TUT7: variants seen among roughly 807,000 people sequenced by gnomAD.
TUT7 encodes terminal uridylyl transferase 7, also known as terminal uridylyltransferase 7.
A neutral mutation model predicts 165.9 loss-of-function variants in TUT7; 33 were observed. The observed-to-expected ratio is 0.20, with a 90% CI of 0.15 to 0.27. The LOEUF is 0.27. Among genes scored for constraint, TUT7 ranks in the 10% least tolerant of loss-of-function variants. TUT7 has a pLI of 1.00. For synonymous variants in TUT7, 552 were observed against 608.1 expected, an observed-to-expected ratio of 0.91 and a Z score of 1.36; for missense variants, 1,338 against 1,762.3, an observed-to-expected ratio of 0.76 and a Z score of 4.31.
In TUT7 at chr9:86,313,150, A is replaced by T. The variant is rs182903378; in HGVS notation, c.3275-2341T>A. On this transcript the variant is annotated intron_variant, in intron 17 of 26. Transcript: ENST00000375963. ...ATAATAAATAAATAAATAAATAAAT[A>T]AATAAATAAATAAATAAAAAGAATT... is the stretch of plus-strand genomic sequence containing the variant. Among the ~76,000 whole-genome samples, 21 of 151,192 alleles carry T rather than the reference A, an allele frequency of 1.4e-4. 1 individual carries two copies. In the East Asian group the frequency reaches 4.1e-3, roughly 29 times the overall value.
intron 5 of TUT7, 56 bp from the exon 6 acceptor site, chr9:86,343,219 T>C: frequency 8.7e-7 from 1 of 1,148,216 alleles, no homozygotes; most frequent in Non-Finnish European, 1.2e-6. Flanking sequence ...TCTCAAAAGT[T>C]ATAACAAAAC....
chr9:86,303,476 C>T (rs1365531533), intron 24 of TUT7, among the ~76,000 whole-genome samples: 3 of 152,142 alleles, frequency 2.0e-5, no homozygotes, highest in South Asian at 2.1e-4. Context: ...TCTAAAGAAG[C>T]GGATGAGTCA....
Position 86,323,931 on chromosome 9 carries a change from T to C in TUT7, c.1819A>G (p.Arg607Gly). The change falls in exon 13 of 27, where the codon AGA becomes GGA. Residue 607 changes from arginine to glycine, a missense_variant. Transcript: ENST00000375963. ...DPYSVKRNVARTLNSQPVFEY... is the reference protein window; with the variant it reads ...DPYSVKRNVAGTLNSQPVFEY... ...AACACAGGTTGACTATTTAGGGTTC[T>C]TGCCACATTTCTTTTAACAGAGTAG... is the stretch of plus-strand genomic sequence containing the variant. 1 of 1,597,360 alleles carries C rather than the reference T, an allele frequency of 6.3e-7. No homozygotes were observed. The highest frequency in any genetic ancestry group is 8.5e-7 in the Non-Finnish European group (1 of 1,170,846).
Position 86,323,178 on chromosome 9 carries a change from C to T in TUT7, c.2572G>A (p.Glu858Lys). ...TGGTTAATGGTGAGCCTAGGTTCTTCTTCCTCCTCCTCTTCTTCGTCGTCC... is the reference window on the plus strand; with the variant it reads ...TGGTTAATGGTGAGCCTAGGTTCTTTTTCCTCCTCCTCTTCTTCGTCGTCC... ...EEDDEEEEEE[E>K]EPRLTINQRE... The change falls in exon 13 of 27, where the codon GAA (glutamate) becomes AAA (lysine). Residue 858 changes from glutamate to lysine, a missense_variant. By Grantham distance (56) the Glu-to-Lys change is moderately conservative. Coordinates refer to ENST00000375963, the MANE Select transcript of TUT7 (RefSeq NM_024617.4). The T allele has an allele frequency of 6.2e-7, 1 of 1,614,162 alleles. No homozygotes were observed. Among genetic ancestry groups the T allele is most frequent in the Non-Finnish European group, 8.5e-7 (1 of 1,180,026 alleles).
In TUT7 at chr9:86,294,112, TTA is replaced by T. The variant is rs968884049; in HGVS notation, c.4421-5370_4421-5369del. On this transcript the variant is annotated intron_variant, in intron 26 of 26. Coordinates refer to ENST00000375963, the MANE Select transcript of TUT7 (RefSeq NM_024617.4). ...TTCCATGTGTACTCTTTCTTAAAAA[TTA>T]TATGTCTGTGAATGCCTTTGTGGTC... 2.0e-5 allele frequency among the ~76,000 whole-genome samples: 3 copies of T among 152,062 alleles called. No homozygotes were observed. The South Asian group carries it at 6.2e-4, about 31-fold the overall frequency.
intron 18 of TUT7, among the ~76,000 whole-genome samples, chr9:86,310,361 TA>T (rs1226851848): frequency 6.6e-6 from 1 of 152,048 alleles, no homozygotes; most frequent in Non-Finnish European, 1.5e-5. Context: ...AATAAAGAAT[TA>T]TAAGTAACAT....
chr9:86,323,435 T>G lies in TUT7; in HGVS notation c.2315A>C (p.His772Pro), dbSNP rs776808343. The G allele has an allele frequency of 1.9e-6, 3 of 1,614,238 alleles. No homozygotes were observed. Among genetic ancestry groups the G allele is most frequent in the Non-Finnish European group, 2.5e-6 (3 of 1,180,040 alleles). ...ATTACGTGTGCTGCCACAGACAACA[T>G]GCTCTCCACGTTTCTGATCAACAGT... Reference protein sequence around the residue: ...LLTVDQKRGEHVVCGSTRNNE... With the variant: ...LLTVDQKRGEPVVCGSTRNNE... Residue 772 changes from histidine to proline, a missense_variant, in exon 13 of 27, where the codon CAT becomes CCT. Physicochemically the swap from His to Pro is moderately conservative, Grantham distance 77. Coordinates refer to ENST00000375963, the MANE Select transcript of TUT7 (RefSeq NM_024617.4).
Position 86,323,294 on chromosome 9 carries a change from C to A in TUT7, c.2456G>T (p.Gly819Val), listed in dbSNP as rs556349133. ...KADLDGESTE[G>V]TEELEDSLNH... ...TAGAGAGTCTTCTAGTTCCTCAGTA[C>A]CTTCTGTACTTTCTCCATCAAGATC... Residue 819 changes from glycine to valine, a missense_variant, in exon 13 of 27, where the codon GGT (glycine) becomes GTT (valine). Transcript: ENST00000375963. The A allele has an allele frequency of 6.2e-7, 1 of 1,614,114 alleles. No homozygotes were observed.
intron 15 of TUT7, among the ~76,000 whole-genome samples, 163 bp from the exon 16 acceptor site, chr9:86,319,221 T>C (rs1330191335): frequency 6.6e-6 from 1 of 152,260 alleles, no homozygotes; most frequent in African/African-American, 2.4e-5. Context: ...TAAAGTCTTT[T>C]TCTCTCAAAG....
chr9:86,331,131 G>A (rs749867044), intron 10 of TUT7, among the ~76,000 whole-genome samples: 11 of 151,946 alleles, frequency 7.2e-5, no homozygotes, highest in Non-Finnish European at 1.6e-4. Flanking sequence ...CCTTTCAAAT[G>A]TACTATGACT....
rs775912777 is a variant in TUT7, at chr9:86,325,451, A to G, written c.1672T>C (p.Leu558=). 3 of 1,614,156 alleles carry G rather than the reference A, an allele frequency of 1.9e-6. No individual in the cohort carries two copies. Among genetic ancestry groups the G allele is most frequent in the Admixed American group, 3.3e-5 (2 of 60,016 alleles). ...AATTCTAAAGCATAGAACCGCAGCAATTCCACCCAGAGCTGCCCAACTGGT... is the reference window on the plus strand; with the variant it reads ...AATTCTAAAGCATAGAACCGCAGCAGTTCCACCCAGAGCTGCCCAACTGGT... ...SVPVGQLWVE[L]LRFYALEFNL... The change falls in exon 12 of 27, where the codon TTG becomes CTG. Residue 558 remains leucine, a synonymous_variant. Transcript: ENST00000375963.
At chr9:86,320,599 C>T (rs1009791327) in intron 14 of TUT7, among the ~76,000 whole-genome samples, 5 of 152,116 alleles carry the variant, frequency 3.3e-5, no homozygotes, top group Non-Finnish European at 5.9e-5. Flanking sequence ...GTTATTCCCT[C>T]GCTGGCCTAG....
intron 22 of TUT7, 132 bp downstream of exon 22, chr9:86,308,297 C>A (rs913746312): frequency 7.3e-6 from 5 of 685,972 alleles, no homozygotes; most frequent in Non-Finnish European, 1.1e-5. Context: ...GAAAAGTTGG[C>A]CTGGTATGGA....
intron 26 of TUT7, among the ~76,000 whole-genome samples, chr9:86,298,234 T>C (rs935533976): frequency 6.6e-6 from 1 of 152,206 alleles, no homozygotes; most frequent in African/African-American, 2.4e-5. Flanking sequence ...CTGAAAAGGA[T>C]GCAGAGTAAA....
rs1415945393 is a variant in TUT7 at position 86,323,556 on chromosome 9, TAAC to T, written c.2191_2193del (p.Val731del). 2 of 1,614,248 alleles carry T rather than the reference TAAC, an allele frequency of 1.2e-6. No individual in the cohort carries two copies. The highest frequency in any genetic ancestry group is 1.7e-6 in the Non-Finnish European group (2 of 1,180,036). Reference sequence around the variant, plus strand: ...TTATCACCCTTGTAATCATCAGAGTTAACATCTGCTTGGATACAGTCTGAGTTT... The same window carrying T: ...TTATCACCCTTGTAATCATCAGAGTTATCTGCTTGGATACAGTCTGAGTTT... On this transcript the variant is annotated inframe_deletion, in exon 13 of 27. Transcript: ENST00000375963.
chr9:86,349,865 C>T (rs974075662), intron 2 of TUT7, among the ~76,000 whole-genome samples: 4 of 152,068 alleles, frequency 2.6e-5, no homozygotes, highest in Non-Finnish European at 5.9e-5. Context: ...GAATTACCTC[C>T]AATAAAAAAA....
chr9:86,303,792 C>T (rs1035464030), intron 24 of TUT7, among the ~76,000 whole-genome samples: 1 of 152,164 alleles, frequency 6.6e-6, no homozygotes, highest in Admixed American at 6.5e-5. Context: ...TGATCCTAGA[C>T]CTGCTGAATC....
At chr9:86,310,068 C>CTA in intron 18 of TUT7, 51 bp from the exon 19 acceptor site, 1 of 1,336,230 alleles carries the variant, frequency 7.5e-7, no homozygotes, top group Non-Finnish European at 9.9e-7. Flanking sequence ...TGTAAAGGGT[C>CTA]TCTTTTTTTT....
chr9:86,313,598 C>T lies in TUT7; in HGVS notation c.3275-2789G>A, dbSNP rs540448379. The stretch of plus-strand genomic sequence containing the variant: ...ATATGCAGCTGGTAAATTGTGGAGC[C>T]GGAATTCAAATCTAGGTAAGATTGA... On this transcript the variant is annotated intron_variant, in intron 17 of 26. Coordinates refer to ENST00000375963, the MANE Select transcript of TUT7 (RefSeq NM_024617.4). Among the ~76,000 whole-genome samples the T allele has an allele frequency of 3.4e-4, 51 of 152,182 alleles. No individual in the cohort carries two copies. In the Middle Eastern group the frequency reaches 0.02, roughly 61 times the overall value.
Sources: gnomAD v4.1 joint callset for allele counts (sites outside exome capture counted in the v4.1 genomes callset) on GRCh38, gnomAD v4.1.1 for gene constraint, MANE v1.5 for transcripts, NCBI Gene and HGNC (gene_info 2026-07-23, HGNC 2026-07-21) for gene names.